RIT2: variants seen among roughly 807,000 people sequenced by gnomAD.
RIT2 encodes the protein GTP-binding protein Rit2.
A neutral mutation model predicts 23.7 loss-of-function variants in RIT2; 24 were observed. That is an observed-to-expected ratio of 1.01 (90% CI 0.73 to 1.43). RIT2 has a LOEUF of 1.43. Ranked by LOEUF, RIT2 falls within the 40% of genes most tolerant of loss-of-function variation. The pLI is 0.00. For missense variants in RIT2, 236 were observed against 266.9 expected (o/e 0.88, Z 0.81); for synonymous variants, 107 against 91.1 (o/e 1.17, Z -0.99).
At chr18:42,830,482 C>T (rs1312228140) in intron 4 of RIT2, among the ~76,000 whole-genome samples, 1 of 152,120 alleles carries the variant, frequency 6.6e-6, no homozygotes, top group Non-Finnish European at 1.5e-5. Flanking sequence ...AGGAATTTTC[C>T]AGGGAGAAAA....
intron 1 of RIT2, among the ~76,000 whole-genome samples, chr18:43,096,333 T>A (rs2144367431): frequency 6.6e-6 from 1 of 151,982 alleles, no homozygotes; most frequent in Admixed American, 6.6e-5. Flanking sequence ...ACTATCGTCT[T>A]CCTTGTCAGG....
chr18:42,877,728 A>T (rs1272920103), intron 4 of RIT2, among the ~76,000 whole-genome samples: 1 of 151,826 alleles, frequency 6.6e-6, no homozygotes, highest in Non-Finnish European at 1.5e-5. Flanking sequence ...TAACAAGTGA[A>T]CAATTTAACA....
chr18:42,786,156 T>C (rs77688027), intron 4 of RIT2, among the ~76,000 whole-genome samples: 2,537 of 152,244 alleles, frequency 0.017, 78 homozygotes, highest in African/African-American at 0.058. Context: ...GTCCTAGAGA[T>C]ATAACTGGCA....
intron 4 of RIT2, among the ~76,000 whole-genome samples, chr18:42,921,093 A>G (rs1909044983): frequency 6.6e-6 from 1 of 152,114 alleles, no homozygotes; most frequent in African/African-American, 2.4e-5. Flanking sequence ...CATTTGTCAG[A>G]TGTCCTCATT....
At chr18:42,861,981 C>T (rs1010059221) in intron 4 of RIT2, among the ~76,000 whole-genome samples, 6 of 152,126 alleles carry the variant, frequency 3.9e-5, no homozygotes, top group African/African-American at 1.4e-4. Flanking sequence ...ACCTTCTATC[C>T]TGGATGTTTG....
At chr18:42,816,231 T>C (rs113381153) in intron 4 of RIT2, among the ~76,000 whole-genome samples, 3,816 of 152,222 alleles carry the variant, frequency 0.025, 163 homozygotes, top group African/African-American at 0.085. Flanking sequence ...TTTCATGATG[T>C]CACTGAACAC....
intron 4 of RIT2, among the ~76,000 whole-genome samples, chr18:42,780,079 A>T (rs1171273498): frequency 3.6e-5 from 1 of 28,004 alleles, no homozygotes; most frequent in Non-Finnish European, 1.2e-4. Context: ...TTTTTTGCCA[A>T]GGTTAGGGAT....
intron 2 of RIT2, among the ~76,000 whole-genome samples, chr18:42,992,473 C>A (rs1396127903): frequency 2.6e-5 from 4 of 152,138 alleles, no homozygotes; most frequent in Admixed American, 1.3e-4. Context: ...TCCCCTCAGT[C>A]CCAACCCCAA....
chr18:42,810,441 T>C (rs948898736), intron 4 of RIT2, among the ~76,000 whole-genome samples: 1 of 151,912 alleles, frequency 6.6e-6, no homozygotes, highest in Non-Finnish European at 1.5e-5. Flanking sequence ...TAAAGTAACC[T>C]ATTAATTTTT....
intron 3 of RIT2, among the ~76,000 whole-genome samples, chr18:42,961,951 G>A (rs1314036603): frequency 1.3e-5 from 2 of 152,176 alleles, no homozygotes; most frequent in Non-Finnish European, 2.9e-5. Flanking sequence ...GTACTTTAAT[G>A]AGCAGATGAT....
intron 4 of RIT2, among the ~76,000 whole-genome samples, chr18:42,759,096 A>G (rs1913236395): frequency 6.6e-6 from 1 of 152,086 alleles, no homozygotes; most frequent in Non-Finnish European, 1.5e-5. Context: ...TGTATATCCT[A>G]TTGGTTCTGT....
intron 3 of RIT2, among the ~76,000 whole-genome samples, chr18:42,964,139 C>T (rs1047146392): frequency 6.7e-6 from 1 of 150,334 alleles, no homozygotes; most frequent in Non-Finnish European, 1.5e-5. Flanking sequence ...TGCAGCGAGC[C>T]GAGATTGTGC....
intron 4 of RIT2, among the ~76,000 whole-genome samples, chr18:42,780,760 GA>G (rs1913791806): frequency 6.6e-6 from 1 of 151,476 alleles, no homozygotes. Context: ...CTAAAGGGAG[GA>G]AAGTGTAATG....
intron 4 of RIT2, among the ~76,000 whole-genome samples, chr18:42,880,804 C>CTTTTTTT (rs397966126): frequency 1.2e-3 from 136 of 115,552 alleles, no homozygotes; most frequent in Non-Finnish European, 1.7e-3. Context: ...CTTCCTACCT[C>CTTTTTTT]TTTTTTTTTT....
intron 4 of RIT2, among the ~76,000 whole-genome samples, chr18:42,844,370 C>T (rs1357714862): frequency 2.6e-5 from 4 of 152,180 alleles, no homozygotes; most frequent in Non-Finnish European, 5.9e-5. Context: ...GGGTCCAGAG[C>T]TCTTGTCCAG....
chr18:43,012,584 A>G (rs1208865086), intron 2 of RIT2, among the ~76,000 whole-genome samples: 1 of 151,576 alleles, frequency 6.6e-6, no homozygotes, highest in Non-Finnish European at 1.5e-5. Flanking sequence ...CTCTATACTC[A>G]TTTTATTGGT....
intron 3 of RIT2, among the ~76,000 whole-genome samples, chr18:42,957,744 A>G (rs1043891228): frequency 6.6e-6 from 1 of 152,174 alleles, no homozygotes; most frequent in African/African-American, 2.4e-5. Context: ...AAGTTGCACC[A>G]CTGCACTCCA....
intron 3 of RIT2, among the ~76,000 whole-genome samples, chr18:42,944,497 G>C (rs1909677634): frequency 6.6e-6 from 1 of 152,148 alleles, no homozygotes; most frequent in East Asian, 1.9e-4. Flanking sequence ...AGGACTGATT[G>C]GCCAGATGGG....
chr18:42,912,883 C>G (rs531146923), intron 4 of RIT2, among the ~76,000 whole-genome samples: 3 of 151,766 alleles, frequency 2.0e-5, no homozygotes, highest in Admixed American at 1.3e-4. Flanking sequence ...AAAATGTCAT[C>G]GTAGTTCTTT....
Sources: allele counts gnomAD v4.1 joint callset (sites outside exome capture counted in the v4.1 genomes callset), GRCh38; gene constraint gnomAD v4.1.1; transcripts MANE v1.5; gene names NCBI Gene and HGNC (gene_info 2026-07-23, HGNC 2026-07-21).